Variants in ZBBX observed in about 807,000 individuals in gnomAD.
The protein encoded by ZBBX is zinc finger B-box domain containing.
A neutral mutation model predicts 108.5 loss-of-function variants in ZBBX; 101 were observed. The observed-to-expected ratio is 0.93, with a 90% CI of 0.79 to 1.10. The LOEUF (loss-of-function observed/expected upper bound fraction) is 1.10, where lower values mean the gene tolerates loss of function less well. ZBBX is among the 50% of genes least tolerant of loss of function. The pLI is 0.00. For synonymous variants in ZBBX, 356 were observed against 323.4 expected (o/e 1.10, Z -1.08); for missense variants, 1,009 against 941.4 (o/e 1.07, Z -0.94).
rs1241585841 is a variant in ZBBX at position 167,402,500 on chromosome 3, A to G, written c.-446+5226T>C. Among the ~76,000 whole-genome samples the G allele has an allele frequency of 1.3e-5, 2 of 152,166 alleles. 1 individual carries two copies. The highest frequency in any genetic ancestry group is 1.3e-4 in the Admixed American group (2 of 15,266). ...AAAAAGAAAATAAAAACCCAGTGTT[A>G]ATCCTCTAACCCTATTTTTCTTCTA... On this transcript the variant is annotated intron_variant, in intron 1 of 21. Transcript: ENST00000455345.
the ZBBX span, among the ~76,000 whole-genome samples, chr3:167,222,613 G>A: frequency 1.3e-5 from 2 of 151,710 alleles, no homozygotes; most frequent in African/African-American, 4.8e-5. Flanking sequence ...AATGATTGAG[G>A]TGATGAATAC....
At chr3:167,196,092 T>C in the ZBBX span, among the ~76,000 whole-genome samples, 1 of 152,180 alleles carries the variant, frequency 6.6e-6, no homozygotes, top group African/African-American at 2.4e-5. Context: ...GCGATATCAC[T>C]GAATACTCTA....
In ZBBX at chr3:167,350,403, AT is replaced by A; in HGVS notation, c.528+16del. On this transcript the variant is annotated intron_variant, in intron 9 of 21. Coordinates refer to ENST00000675490, the MANE Select transcript of ZBBX (RefSeq NM_001199201.2). Reference sequence around the variant, plus strand: ...TTTATAAACACACTACAAGTAAATCATTTTAGAAAGCCATACCTGCAAAAGA... The same window carrying A: ...TTTATAAACACACTACAAGTAAATCATTTAGAAAGCCATACCTGCAAAAGA... The A allele has an allele frequency of 1.3e-6, 2 of 1,562,532 alleles. No homozygotes were observed. Among genetic ancestry groups the A allele is most frequent in the South Asian group, 1.2e-5 (1 of 81,360 alleles).
intron 20 of ZBBX, among the ~76,000 whole-genome samples, chr3:167,258,057 G>A (rs1035531128): frequency 2.0e-5 from 3 of 151,962 alleles, no homozygotes; most frequent in African/African-American, 7.2e-5. Flanking sequence ...TTGGGTTCTT[G>A]GTCATGAAAT....
chr3:167,191,146 T>C, the ZBBX span, among the ~76,000 whole-genome samples: 1 of 152,190 alleles, frequency 6.6e-6, no homozygotes, highest in Non-Finnish European at 1.5e-5. Context: ...AAAGTAAGAA[T>C]TGGGGAAATC....
At chr3:167,237,533 C>T (rs1053427181), downstream of ZBBX, among the ~76,000 whole-genome samples, 10 of 151,780 alleles carry the variant, frequency 6.6e-5, no homozygotes, top group African/African-American at 1.5e-4. Flanking sequence ...GAACCAGGTC[C>T]GTAGCAGCAA....
intron 9 of ZBBX, among the ~76,000 whole-genome samples, chr3:167,345,376 T>C (rs1180674619): frequency 6.6e-6 from 1 of 151,900 alleles, no homozygotes; most frequent in Non-Finnish European, 1.5e-5. Flanking sequence ...ACTTGTAGTA[T>C]AAGGAATATG....
At chr3:167,206,205 G>T in the ZBBX span, among the ~76,000 whole-genome samples, 1 of 151,924 alleles carries the variant, frequency 6.6e-6, no homozygotes, top group South Asian at 2.1e-4. Context: ...GACTTTTTTA[G>T]ATTTTATACA....
At chr3:167,346,120 T>C (rs761799253) in intron 9 of ZBBX, among the ~76,000 whole-genome samples, 3 of 151,836 alleles carry the variant, frequency 2.0e-5, no homozygotes, top group Non-Finnish European at 4.4e-5. Context: ...CCTGATATAT[T>C]AAGACCTCAT....
the ZBBX span, among the ~76,000 whole-genome samples, chr3:167,225,952 A>C: frequency 6.6e-6 from 1 of 151,634 alleles, no homozygotes; most frequent in African/African-American, 2.4e-5. Context: ...AAGCCTATTC[A>C]GGTGGATATA....
rs1747520933 is a variant in ZBBX, at chr3:167,379,740, A to T, written c.-234T>A. On this transcript the variant is annotated 5_prime_UTR_variant, in exon 2 of 22. Transcript: ENST00000675490. ...CGCACCATAGCCCTTACTTGTGAGG[A>T]GTAGACTTCAAGAAGTAAGTGGGTG... The T allele has an allele frequency of 6.6e-6, 1 of 152,116 alleles. No individual in the cohort carries two copies. Among genetic ancestry groups the T allele is most frequent in the Admixed American group, 6.5e-5 (1 of 15,278 alleles). The allele number at this position is 152,116 out of a possible 1,614,324, so 9.4% of individuals were successfully genotyped here.
chr3:167,209,657 C>G, the ZBBX span, among the ~76,000 whole-genome samples: 7,831 of 152,238 alleles, frequency 0.051, 559 homozygotes, highest in African/African-American at 0.16. Context: ...AAATACCTAA[C>G]TCTTTAATGT....
chr3:167,278,893 T>G (rs1371551579), intron 20 of ZBBX, among the ~76,000 whole-genome samples: 1 of 152,006 alleles, frequency 6.6e-6, no homozygotes, highest in Admixed American at 6.6e-5. Context: ...ATCAAAAAGC[T>G]TATCCACCAT....
At chr3:167,288,054 A>T (rs750355403) in intron 19 of ZBBX, among the ~76,000 whole-genome samples, 40 of 152,068 alleles carry the variant, frequency 2.6e-4, no homozygotes, top group Non-Finnish European at 4.9e-4. Flanking sequence ...GAGCTCAATA[A>T]GATCAGGGAA....
upstream of ZBBX, among the ~76,000 whole-genome samples, chr3:167,380,770 G>A (rs934185335): frequency 1.3e-5 from 2 of 151,782 alleles, no homozygotes; most frequent in African/African-American, 4.8e-5. Context: ...AGAGATTCCA[G>A]GTCTCTTCAA....
At chr3:167,404,784 T>A (rs1352363550) in intron 1 of ZBBX, among the ~76,000 whole-genome samples, 3 of 152,130 alleles carry the variant, frequency 2.0e-5, no homozygotes, top group Non-Finnish European at 4.4e-5. Flanking sequence ...CCAGATTTGC[T>A]TTTTTTCCCC....
chr3:167,309,513 G>T (rs79933186), intron 16 of ZBBX, among the ~76,000 whole-genome samples: 3,714 of 152,338 alleles, frequency 0.024, 71 homozygotes, highest in Non-Finnish European at 0.036. Flanking sequence ...CAAACCTCAA[G>T]TCTTATCTTC....
chr3:167,371,039 A>G (rs1257462095), intron 4 of ZBBX, among the ~76,000 whole-genome samples: 1 of 152,150 alleles, frequency 6.6e-6, no homozygotes, highest in Non-Finnish European at 1.5e-5. Flanking sequence ...ATGTAAAGGC[A>G]ATGTCCAAGG....
At chr3:167,205,061 A>G in the ZBBX span, among the ~76,000 whole-genome samples, 2 of 152,162 alleles carry the variant, frequency 1.3e-5, no homozygotes, top group Non-Finnish European at 2.9e-5. Flanking sequence ...ATATGGGGGC[A>G]CAACATGAGA....
Sources: allele counts gnomAD v4.1 joint callset (sites outside exome capture counted in the v4.1 genomes callset), GRCh38; gene constraint gnomAD v4.1.1; transcripts MANE v1.5; gene names NCBI Gene and HGNC (gene_info 2026-07-23, HGNC 2026-07-21).